The following CREB1 variants were observed in gnomAD, a reference collection of about 807,000 sequenced individuals.
The protein encoded by CREB1 is cAMP responsive element binding protein 1.
In CREB1, 2 loss-of-function variants were observed where a neutral mutation model predicts 42.0. The observed-to-expected ratio is 0.05, with a 90% CI of 0.02 to 0.15. CREB1 has a LOEUF of 0.15. Among genes scored for constraint, CREB1 ranks in the 10% least tolerant of loss-of-function variants. The pLI is 1.00. For synonymous variants in CREB1, 123 were observed against 139.9 expected, an observed-to-expected ratio of 0.88 and a Z score of 0.85; for missense variants, 199 against 388.9, an observed-to-expected ratio of 0.51 and a Z score of 4.11.
chr2:207,592,918 G>GAAAAAAAAAAAGAAAAAAAAA (rs1034475253), intron 7 of CREB1, among the ~76,000 whole-genome samples: 1 of 151,822 alleles, frequency 6.6e-6, no homozygotes. Flanking sequence ...TCTCAAAAAA[G>GAAAAAAAAAAAGAAAAAAAAA]AAAAGAAAAT....
At chr2:207,539,262 C>A (rs2080999708) in intron 1 of CREB1, among the ~76,000 whole-genome samples, 1 of 150,390 alleles carries the variant, frequency 6.6e-6, no homozygotes, top group Admixed American at 6.6e-5. Flanking sequence ...CCATGTTGGC[C>A]AAGCTGGTCT....
In CREB1 at chr2:207,582,822, G is replaced by A. The variant is rs747195878; in HGVS notation, c.839+5167G>A. 32 of 327,174 alleles carry A rather than the reference G, an allele frequency of 9.8e-5. 1 individual carries two copies. The highest frequency in any genetic ancestry group is 1.4e-4 in the Non-Finnish European group (23 of 161,526). 20.3% of individuals were successfully genotyped at this position (327,174 alleles called of 1,614,324 possible). A position where few individuals can be genotyped will look rare whatever the true frequency, so the allele number is the denominator to read the frequency against. On this transcript the variant is annotated intron_variant, in intron 7 of 7. Coordinates refer to ENST00000353267, the MANE Select transcript of CREB1 (RefSeq NM_004379.5). ...GCAGAAGAATTGTGCGAACCTGGGA[G>A]GTGGAAGTTGCAGTGAGCTGAGATG...
intron 5 of CREB1, among the ~76,000 whole-genome samples, chr2:207,571,021 C>G (rs77607763): frequency 6.0e-5 from 1 of 16,684 alleles, no homozygotes; most frequent in Non-Finnish European, 3.4e-4. Flanking sequence ...TCTCTTTTTC[C>G]CTTTTTTTTT....
chr2:207,545,204 T>G (rs1361804930), intron 1 of CREB1, among the ~76,000 whole-genome samples: 1 of 152,130 alleles, frequency 6.6e-6, no homozygotes, highest in African/African-American at 2.4e-5. Context: ...AGAAAGGTTC[T>G]TTTATTTTTG....
intron 7 of CREB1, among the ~76,000 whole-genome samples, chr2:207,583,231 C>T (rs1456268084): frequency 2.0e-5 from 3 of 152,002 alleles, no homozygotes; most frequent in African/African-American, 7.3e-5. Flanking sequence ...GATTTTGATA[C>T]TCATGAGAGT....
At chr2:207,570,482 T>C (rs1008582342) in intron 5 of CREB1, among the ~76,000 whole-genome samples, 161 bp downstream of exon 5, 5 of 152,246 alleles carry the variant, frequency 3.3e-5, no homozygotes, top group Admixed American at 3.3e-4. Context: ...CAAAGGTCTG[T>C]AATGGTAGTA....
chr2:207,575,215 G>A lies in CREB1; in HGVS notation c.506-57G>A, dbSNP rs1176571780. The A allele has an allele frequency of 8.6e-6, 13 of 1,503,950 alleles. No individual in the cohort carries two copies. In the East Asian group the frequency reaches 2.5e-4, roughly 29 times the overall value. 93.2% of individuals were successfully genotyped at this position (1,503,950 alleles called of 1,614,324 possible). ...CAAATTATTCTACATTGGATGTAATGTTTTAAAAGTCTTATATGGTATTAA... is the reference window on the plus strand; with the variant it reads ...CAAATTATTCTACATTGGATGTAATATTTTAAAAGTCTTATATGGTATTAA... On this transcript the variant is annotated intron_variant, in intron 5 of 7. Transcript: ENST00000353267.
intron 7 of CREB1, among the ~76,000 whole-genome samples, chr2:207,584,613 G>A (rs993377952): frequency 6.6e-6 from 1 of 152,120 alleles, no homozygotes; most frequent in African/African-American, 2.4e-5. Context: ...TGTTGGCCAG[G>A]CTGGTTTTGA....
At chr2:207,542,747 T>C (rs931906592) in intron 1 of CREB1, among the ~76,000 whole-genome samples, 2 of 152,194 alleles carry the variant, frequency 1.3e-5, no homozygotes, top group Non-Finnish European at 2.9e-5. Flanking sequence ...TTATAAACAT[T>C]TAAAAAATAT....
intron 1 of CREB1, among the ~76,000 whole-genome samples, chr2:207,553,977 T>C (rs1473888671): frequency 6.6e-6 from 1 of 152,210 alleles, no homozygotes; most frequent in Non-Finnish European, 1.5e-5. Context: ...TTTTTTTTCA[T>C]GGTTACAATT....
intron 7 of CREB1, chr2:207,582,908 AAC>A (rs759158333): frequency 0.11 from 29,422 of 278,884 alleles, 2,153 homozygotes; most frequent in Non-Finnish European, 0.13. Flanking sequence ...CAAACAAACA[AAC>A]AAAAAAAAAT....
Position 207,597,426 on chromosome 2 carries a change from A to C in CREB1, c.*368A>C. The C allele has an allele frequency of 4.1e-6, 1 of 246,246 alleles. No homozygotes were observed. The highest frequency in any genetic ancestry group is 6.4e-5 in the East Asian group (1 of 15,722). 15.3% of individuals were successfully genotyped at this position (246,246 alleles called of 1,614,324 possible). A position where few individuals can be genotyped will look rare whatever the true frequency, so the allele number is the denominator to read the frequency against. On this transcript the variant is annotated 3_prime_UTR_variant, in exon 8 of 8. Transcript: ENST00000353267. ...TTGTGCTGAGCTCCTTGATTGCCTTAGGGACAGAATTACCCCAGCCTCTTG... is the reference window on the plus strand; with the variant it reads ...TTGTGCTGAGCTCCTTGATTGCCTTCGGGACAGAATTACCCCAGCCTCTTG...
Position 207,603,244 on chromosome 2 carries a change from G to A in CREB1, c.*6186G>A, listed in dbSNP as rs1412569752. The A allele has an allele frequency of 1.4e-5, 3 of 219,974 alleles. No individual in the cohort carries two copies. In the Admixed American group the frequency reaches 1.7e-4, roughly 13 times the overall value. 13.6% of individuals were successfully genotyped at this position (219,974 alleles called of 1,614,324 possible). ...TTACAATGCATTTTATTAACACTAT[G>A]TACATAATAGCTGCTTTGTGTTCAG... On this transcript the variant is annotated 3_prime_UTR_variant, in exon 8 of 8. Transcript: ENST00000353267.
intron 7 of CREB1, among the ~76,000 whole-genome samples, chr2:207,589,583 C>T (rs1346705646): frequency 6.6e-6 from 1 of 152,212 alleles, no homozygotes; most frequent in Admixed American, 6.5e-5. Context: ...AATGTAATAG[C>T]TGTAGGGTCT....
chr2:207,587,961 C>G (rs1254432912), intron 7 of CREB1, among the ~76,000 whole-genome samples: 1 of 151,940 alleles, frequency 6.6e-6, no homozygotes, highest in East Asian at 1.9e-4. Flanking sequence ...TGTTCACAAC[C>G]CAACAAAATG....
intron 7 of CREB1, among the ~76,000 whole-genome samples, chr2:207,591,622 G>A (rs1490284119): frequency 6.6e-6 from 1 of 152,040 alleles, no homozygotes; most frequent in East Asian, 1.9e-4. Flanking sequence ...TAGTAGAGAC[G>A]GGGTTTCGCC....
chr2:207,536,083 G>C (rs1187768148), intron 1 of CREB1, among the ~76,000 whole-genome samples: 1 of 152,080 alleles, frequency 6.6e-6, no homozygotes, highest in Admixed American at 6.6e-5. Flanking sequence ...AAAGAGTTGG[G>C]ATTACAAGCG....
In CREB1 at chr2:207,587,968, AATG is replaced by A. The variant is rs1354969022; in HGVS notation, c.840-8943_840-8941del. Reference sequence around the variant, plus strand: ...ATTTTGAATGTTCACAACCCAACAAAATGATAAGTTTGAGGTGATGGATATGCT... The same window carrying A: ...ATTTTGAATGTTCACAACCCAACAAAATAAGTTTGAGGTGATGGATATGCT... On this transcript the variant is annotated intron_variant, in intron 7 of 7. Transcript: ENST00000353267. Among the ~76,000 whole-genome samples the A allele has an allele frequency of 4.6e-5, 7 of 152,230 alleles. No individual in the cohort carries two copies. In the South Asian group the frequency reaches 8.3e-4, roughly 18 times the overall value.
intron 7 of CREB1, chr2:207,581,663 A>AT: frequency 2.1e-6 from 1 of 478,026 alleles, no homozygotes; most frequent in East Asian, 3.2e-5. Flanking sequence ...AGAGTTCCGG[A>AT]TACCCTTCAT....
Sources: gnomAD v4.1 joint callset for allele counts (sites outside exome capture counted in the v4.1 genomes callset) on GRCh38, gnomAD v4.1.1 for gene constraint, MANE v1.5 for transcripts, NCBI Gene and HGNC (gene_info 2026-07-23, HGNC 2026-07-21) for gene names.